Variants in TARBP2 observed in about 807,000 individuals in gnomAD.
TARBP2 encodes the protein RISC-loading complex subunit TARBP2.
A neutral mutation model predicts 40.4 loss-of-function variants in TARBP2; 23 were observed. That is an observed-to-expected ratio of 0.57 (90% CI 0.41 to 0.81). The LOEUF (loss-of-function observed/expected upper bound fraction) is 0.81. TARBP2 is among the 30% of genes least tolerant of loss of function. The pLI is 0.00. For synonymous variants in TARBP2, 183 were observed against 190.5 expected, an observed-to-expected ratio of 0.96 and a Z score of 0.32; for missense variants, 358 against 473.7, an observed-to-expected ratio of 0.76 and a Z score of 2.27.
In TARBP2 at chr12:53,505,530, G is replaced by T; in HGVS notation, c.742-119G>T. 4 of 1,188,946 alleles carry T rather than the reference G, an allele frequency of 3.4e-6. No individual in the cohort carries two copies. Among genetic ancestry groups the T allele is most frequent in the Admixed American group, 1.9e-5 (1 of 53,792 alleles). The allele number at this position is 1,188,946 out of a possible 1,614,324, so 73.6% of individuals were successfully genotyped here. On this transcript the variant is annotated intron_variant, in intron 7 of 8. Transcript: ENST00000266987. The surrounding 1 kb of genome is among the most constrained non-coding windows in gnomAD (Gnocchi z 4.5). ...GAAGGGGCCACCCAGGGATTGACTGGGGGGAGGCAAGCTGGAGGAAGCATT... is the reference window on the plus strand; with the variant it reads ...GAAGGGGCCACCCAGGGATTGACTGTGGGGAGGCAAGCTGGAGGAAGCATT...
chr12:53,501,869 T>A, intron 1 of TARBP2, 146 bp from the exon 2 acceptor site: 1 of 1,383,206 alleles, frequency 7.2e-7, no homozygotes. Context: ...GCACCTCCAC[T>A]TGGAACCCAG....
At position 53,505,911 on chromosome 12, in the gene TARBP2, G is replaced by A. The variant is rs963089143; in HGVS notation, c.943+61G>A. On this transcript the variant is annotated intron_variant, in intron 8 of 8. Transcript: ENST00000266987. This position sits in a 1 kb window ranked among gnomAD's most constrained non-coding sequence, Gnocchi z 4.5. ...GGGGCTGGACCGGAGCAAGTAGAAGGGGGTGATGATAACGTGAACGCACCC... is the reference window on the plus strand; with the variant it reads ...GGGGCTGGACCGGAGCAAGTAGAAGAGGGTGATGATAACGTGAACGCACCC... 83 of 1,605,592 alleles carry A rather than the reference G, an allele frequency of 5.2e-5. No homozygotes were observed. Among genetic ancestry groups the A allele is most frequent in the African/African-American group, 8.0e-5 (6 of 74,736 alleles).
At chr12:53,502,482 C>A (rs2137258889) in intron 2 of TARBP2, 2 of 397,132 alleles carry the variant, frequency 5.0e-6, no homozygotes, top group South Asian at 2.9e-5. Context: ...GGAGTGAGTG[C>A]CTGGCGTGCT....
At chr12:53,501,957 T>C in intron 1 of TARBP2, 58 bp from the exon 2 acceptor site, 1 of 1,601,092 alleles carries the variant, frequency 6.2e-7, no homozygotes. Context: ...ATGGAAGTGC[T>C]TGGCTAGGTG....
intron 1 of TARBP2, 196 bp from the exon 2 acceptor site, chr12:53,501,819 C>T (rs1249229449): frequency 1.5e-6 from 2 of 1,314,128 alleles, no homozygotes; most frequent in Non-Finnish European, 2.0e-6. Flanking sequence ...TGCATTCTTC[C>T]CCCCTTGCTT....
chr12:53,503,150 T>C, intron 3 of TARBP2, 21 bp downstream of exon 3: 1 of 1,537,024 alleles, frequency 6.5e-7, no homozygotes, highest in Non-Finnish European at 8.8e-7. Context: ...AACCGAGGCA[T>C]CCCAGAAGCC....
rs148798022 is a variant in TARBP2 at position 53,505,218 on chromosome 12, C to T, written c.697C>T (p.Arg233Trp). Residue 233 changes from arginine (R) to tryptophan (W), a missense_variant, in exon 7 of 9, where the codon CGG becomes TGG. Physicochemically the swap from Arg to Trp is moderately radical, Grantham distance 101. Transcript: ENST00000266987. The surrounding 1 kb of genome is among the most constrained non-coding windows in gnomAD (Gnocchi z 4.5). The part of the protein sequence containing the change: ...LRVHTVPLDA[R>W]DGNEVEPDDD... ...AGTGCACACGGTGCCTCTGGATGCC[C>T]GGGATGGCAATGAGGTGGAGCCTGA... is the stretch of plus-strand genomic sequence containing the variant. 45 of 1,609,918 alleles carry T rather than the reference C, an allele frequency of 2.8e-5. No individual in the cohort carries two copies. The highest frequency in any genetic ancestry group is 1.6e-4 in the Middle Eastern group (1 of 6,070).
In TARBP2 at chr12:53,501,595, C is replaced by T. The variant is rs1176666366; in HGVS notation, c.53+134C>T. On this transcript the variant is annotated intron_variant, in intron 1 of 8. Transcript: ENST00000266987. ...CACTGGGGCAGTGGGCAGTGGTTCC[C>T]GGCGTGCACCGGGGCAGTGGCTGCT... The T allele has an allele frequency of 4.7e-6, 7 of 1,480,140 alleles. No individual in the cohort carries two copies. The Admixed American group carries it at 7.4e-5, about 16-fold the overall frequency. 91.7% of individuals were successfully genotyped at this position (1,480,140 alleles called of 1,614,324 possible). A position where few individuals can be genotyped will look rare whatever the true frequency, so the allele number is the denominator to read the frequency against.
chr12:53,501,257 A>T, upstream of TARBP2: 1 of 753,868 alleles, frequency 1.3e-6, no homozygotes, highest in East Asian at 2.7e-5. Flanking sequence ...CTCACGAAGT[A>T]GGGTGGGCGG....
chr12:53,502,199 G>A lies in TARBP2; in HGVS notation c.223+15G>A, dbSNP rs1943742643. On this transcript the variant is annotated intron_variant, in intron 2 of 8. Transcript: ENST00000266987. ...CAGCTGCACTGGTGAGGAAGGCTTGGGCAGCCTGGCTGGGGTGTGCATTTG... is the reference window on the plus strand; with the variant it reads ...CAGCTGCACTGGTGAGGAAGGCTTGAGCAGCCTGGCTGGGGTGTGCATTTG... 1 of 1,613,802 alleles carries A rather than the reference G, an allele frequency of 6.2e-7. No homozygotes were observed. Among genetic ancestry groups the A allele is most frequent in the South Asian group, 1.1e-5 (1 of 91,042 alleles).
At chr12:53,503,362 G>A (rs1188159929) in intron 3 of TARBP2, 1 of 911,876 alleles carries the variant, frequency 1.1e-6, no homozygotes, top group African/African-American at 1.7e-5. Context: ...GTTGGGGCCT[G>A]GGTTAGGGAG....
chr12:53,505,221 G>C lies in TARBP2; in HGVS notation c.700G>C (p.Asp234His). The C allele has an allele frequency of 6.2e-7, 1 of 1,610,048 alleles. No individual in the cohort carries two copies. The highest frequency in any genetic ancestry group is 1.1e-5 in the South Asian group (1 of 90,980). ...RVHTVPLDAR[D>H]GNEVEPDDDH... ...GCACACGGTGCCTCTGGATGCCCGG[G>C]ATGGCAATGAGGTGGAGCCTGATGA... Residue 234 changes from aspartate to histidine, a missense_variant, in exon 7 of 9, where the codon GAT becomes CAT. This residue lies in a region of TARBP2 where 317 missense variants were observed against 422.9 expected (regional missense o/e 0.75). Transcript: ENST00000266987. The surrounding 1 kb of genome is among the most constrained non-coding windows in gnomAD (Gnocchi z 4.5).
In TARBP2 at chr12:53,505,201, C is replaced by G; in HGVS notation, c.680C>G (p.Thr227Arg). Reference protein sequence around the residue: ...AAAKMLLRVHTVPLDARDGNE... With the variant: ...AAAKMLLRVHRVPLDARDGNE... ...GCCAAAATGCTGCTTCGAGTGCACA[C>G]GGTGCCTCTGGATGCCCGGGATGGC... Residue 227 changes from threonine (T) to arginine (R), a missense_variant, in exon 7 of 9, where the codon ACG becomes AGG. By Grantham distance (71) the Thr-to-Arg change is moderately conservative. This residue lies in a region of TARBP2 where 317 missense variants were observed against 422.9 expected (regional missense o/e 0.75). Coordinates refer to ENST00000266987, the MANE Select transcript of TARBP2 (RefSeq NM_134323.2). The surrounding 1 kb of genome is among the most constrained non-coding windows in gnomAD (Gnocchi z 4.5). 1 of 1,611,204 alleles carries G rather than the reference C, an allele frequency of 6.2e-7. No individual in the cohort carries two copies. Among genetic ancestry groups the G allele is most frequent in the South Asian group, 1.1e-5 (1 of 91,012 alleles).
Position 53,504,414 on chromosome 12 carries a change from T to A in TARBP2, c.440T>A (p.Leu147Gln). The change falls in exon 5 of 9, where the codon CTG becomes CAG. Residue 147 changes from leucine to glutamine, a missense_variant. By Grantham distance (113) the Leu-to-Gln change is moderately radical (BLOSUM62 -2). Coordinates refer to ENST00000266987, the MANE Select transcript of TARBP2 (RefSeq NM_134323.2). The stretch of plus-strand genomic sequence containing the variant: ...TCCTTCAGGAGCCCCCCCATGGAAC[T>A]GCAGCCCCCTGTCTCCCCTCAGCAG... ...VVLTRSPPME[L>Q]QPPVSPQQSE... 6.2e-7 allele frequency: 1 copy of A among 1,601,660 alleles called. No homozygotes were observed. The highest frequency in any genetic ancestry group is 8.5e-7 in the Non-Finnish European group (1 of 1,174,548).
intron 4 of TARBP2, 194 bp from the exon 5 acceptor site, chr12:53,504,203 T>C (rs1462709993): frequency 1.7e-6 from 1 of 581,644 alleles, no homozygotes; most frequent in Non-Finnish European, 3.0e-6. Context: ...GGAGAAGGCC[T>C]CCCTTGAGTG....
intron 1 of TARBP2, 100 bp downstream of exon 1, chr12:53,501,561 C>T (rs1943708250): frequency 3.3e-6 from 5 of 1,523,116 alleles, no homozygotes; most frequent in Non-Finnish European, 2.7e-6. Context: ...GAGGGTTGTT[C>T]CCGGCAAGCA....
At position 53,505,205 on chromosome 12, in the gene TARBP2, G is replaced by A; in HGVS notation, c.684G>A (p.Val228=). Residue 228 remains valine (V), a synonymous_variant, in exon 7 of 9, where the codon GTG becomes GTA. Transcript: ENST00000266987. The surrounding 1 kb of genome is among the most constrained non-coding windows in gnomAD (Gnocchi z 4.5). ...AAKMLLRVHT[V]PLDARDGNEV... is the part of the protein sequence containing the mutation. ...AAATGCTGCTTCGAGTGCACACGGT[G>A]CCTCTGGATGCCCGGGATGGCAATG... The A allele has an allele frequency of 6.2e-7, 1 of 1,610,856 alleles. No homozygotes were observed.
upstream of TARBP2, chr12:53,501,251 C>G (rs561977038): frequency 1.3e-6 from 1 of 742,900 alleles, no homozygotes; most frequent in Non-Finnish European, 2.2e-6. Flanking sequence ...TGGAGGCTCA[C>G]GAAGTAGGGT....
Position 53,503,085 on chromosome 12 carries a change from C to A in TARBP2, c.282C>A (p.His94Gln). The A allele has an allele frequency of 1.3e-6, 2 of 1,551,020 alleles. No homozygotes were observed. The highest frequency in any genetic ancestry group is 1.7e-6 in the Non-Finnish European group (2 of 1,146,648). The change falls in exon 3 of 9, where the codon CAC becomes CAA. Residue 94 changes from histidine (H) to glutamine (Q), a missense_variant. Physicochemically the swap from His to Gln is conservative, Grantham distance 24. Transcript: ENST00000266987. ...KHKAAEVALK[H>Q]LKGGSMLEPA... The stretch of plus-strand genomic sequence containing the variant: ...AGGCAGCTGAGGTGGCCCTCAAACA[C>A]CTCAAAGGGGGGAGCATGCTGGAGC...
Sources: allele counts gnomAD v4.1 joint callset, GRCh38; gene constraint gnomAD v4.1.1; regional missense constraint gnomAD v4.1.1; non-coding constraint Gnocchi (gnomAD v3.1); transcripts MANE v1.5; gene names NCBI Gene and HGNC (gene_info 2026-07-23, HGNC 2026-07-21).